The following ECRG4 variants were observed in gnomAD, a reference collection of about 807,000 sequenced individuals.
The protein encoded by ECRG4 is augurin.
ECRG4 carries 18 observed loss-of-function variants against 15.8 expected under a neutral mutation model. The observed-to-expected ratio is 1.14, with a 90% CI of 0.79 to 1.69. The LOEUF (loss-of-function observed/expected upper bound fraction) is 1.69, where lower values mean the gene tolerates loss of function less well. Ranked by LOEUF, ECRG4 falls within the 40% of genes most tolerant of loss-of-function variation. ECRG4 has a pLI of 0.00. For synonymous variants in ECRG4, 82 were observed against 73.9 expected, an observed-to-expected ratio of 1.11 and a Z score of -0.56; for missense variants, 200 against 190.9, an observed-to-expected ratio of 1.05 and a Z score of -0.28.
At chr2:106,067,390 G>A (rs986404177) in intron 1 of ECRG4, among the ~76,000 whole-genome samples, 2 of 152,176 alleles carry the variant, frequency 1.3e-5, no homozygotes. Flanking sequence ...TTCAGGACTT[G>A]TATTTTATTT....
In ECRG4 at chr2:106,074,047, G is replaced by A; in HGVS notation, c.285+4G>A. The stretch of plus-strand genomic sequence containing the variant: ...CTACATGGGCTTTGACGAAGCGGTA[G>A]GTGTTGCCTCCGGCTGCAGGCCTGG... On this transcript the variant is annotated splice_donor_region_variant and intron_variant, in intron 3 of 3. Transcript: ENST00000238044. The A allele has an allele frequency of 3.1e-6, 5 of 1,611,412 alleles. No individual in the cohort carries two copies. Among genetic ancestry groups the A allele is most frequent in the Non-Finnish European group, 4.2e-6 (5 of 1,178,944 alleles).
At chr2:106,077,721 T>A in intron 3 of ECRG4, 44 bp from the exon 4 acceptor site, 1 of 1,580,164 alleles carries the variant, frequency 6.3e-7, no homozygotes, top group Non-Finnish European at 8.7e-7. Flanking sequence ...GGGGACTGCA[T>A]GACCTTAAAT....
upstream of ECRG4, chr2:106,064,163 T>C (rs939386863): frequency 5.9e-5 from 9 of 152,244 alleles, no homozygotes; most frequent in African/African-American, 2.2e-4. Context: ...TTCCCCAAGA[T>C]AGCTAGATGT....
intron 2 of ECRG4, chr2:106,072,547 T>A (rs1676393166): frequency 6.6e-6 from 1 of 152,244 alleles, no homozygotes; most frequent in Non-Finnish European, 1.5e-5. Flanking sequence ...ACCACACTTC[T>A]GATGTGACCA....
Position 106,065,758 on chromosome 2 carries a change from C to G in ECRG4, c.-7C>G, listed in dbSNP as rs1275324039. ...GCCCCTCGCCCTCCTGCTCGCGCCC[C>G]GCCGCCATGGCTGCCTCCCCCGCGC... On this transcript the variant is annotated 5_prime_UTR_variant, in exon 1 of 4. Coordinates refer to ENST00000238044, the MANE Select transcript of ECRG4 (RefSeq NM_032411.3). 2 of 1,479,518 alleles carry G rather than the reference C, an allele frequency of 1.4e-6. No homozygotes were observed. Among genetic ancestry groups the G allele is most frequent in the South Asian group, 1.3e-5 (1 of 77,568 alleles). The allele number at this position is 1,479,518 out of a possible 1,614,324, so 91.6% of individuals were successfully genotyped here.
intron 1 of ECRG4, among the ~76,000 whole-genome samples, chr2:106,069,914 A>C (rs1676325727): frequency 6.6e-6 from 1 of 152,148 alleles, no homozygotes; most frequent in African/African-American, 2.4e-5. Context: ...CAACTACATC[A>C]CTATAGACCG....
Position 106,074,054 on chromosome 2 carries a change from C to T in ECRG4, c.285+11C>T. ...GGCTTTGACGAAGCGGTAGGTGTTG[C>T]CTCCGGCTGCAGGCCTGGCTTCCAC... is the stretch of plus-strand genomic sequence containing the variant. On this transcript the variant is annotated intron_variant, in intron 3 of 3. Transcript: ENST00000238044. 1.2e-6 allele frequency: 2 copies of T among 1,609,294 alleles called. No individual in the cohort carries two copies. The highest frequency in any genetic ancestry group is 1.7e-6 in the Non-Finnish European group (2 of 1,177,258).
chr2:106,066,912 T>G, intron 1 of ECRG4, among the ~76,000 whole-genome samples: 1 of 152,038 alleles, frequency 6.6e-6, no homozygotes, highest in East Asian at 1.9e-4. Context: ...AGGATTATTG[T>G]TCCACCTTAG....
chr2:106,073,929 A>C lies in ECRG4; in HGVS notation c.171A>C (p.Lys57Asn), dbSNP rs910869029. ...TKTKVAVDEN[K>N]AKEFLGSLKR... ...CTAAAGTGGCCGTTGATGAGAATAA[A>C]GCCAAAGAATTCCTTGGCAGCCTGA... Residue 57 changes from lysine (K) to asparagine (N), a missense_variant, in exon 3 of 4, where the codon AAA becomes AAC. Transcript: ENST00000238044. The C allele has an allele frequency of 6.2e-7, 1 of 1,614,256 alleles. No homozygotes were observed. The highest frequency in any genetic ancestry group is 8.5e-7 in the Non-Finnish European group (1 of 1,180,052).
intron 1 of ECRG4, chr2:106,070,901 T>TA (rs1327143251): frequency 4.2e-6 from 2 of 471,162 alleles, no homozygotes; most frequent in South Asian, 3.1e-5. Flanking sequence ...GAAGTTGCTC[T>TA]ACTCACTACT....
At chr2:106,063,589 T>C (rs184702665), upstream of ECRG4, among the ~76,000 whole-genome samples, 1 of 152,264 alleles carries the variant, frequency 6.6e-6, no homozygotes, top group Non-Finnish European at 1.5e-5. Context: ...GTGAAGATAA[T>C]TTATTTTTTT....
intron 3 of ECRG4, among the ~76,000 whole-genome samples, chr2:106,075,441 G>T (rs951951799): frequency 1.3e-5 from 2 of 152,218 alleles, no homozygotes; most frequent in African/African-American, 4.8e-5. Flanking sequence ...AACATGCAGG[G>T]ACGGGCATGG....
In ECRG4 at chr2:106,067,065, G is replaced by GA. The variant is rs906094015; in HGVS notation, c.79+1222_79+1223insA. 2.9e-3 allele frequency among the ~76,000 whole-genome samples: 267 copies of GA among 91,832 alleles called. 62 individuals are homozygous for GA. The East Asian group carries it at 0.086, about 30-fold the overall frequency. The allele number at this position is 91,832 out of a possible 152,430, so 60.2% of individuals were successfully genotyped here. A position where few individuals can be genotyped will look rare whatever the true frequency, so the allele number is the denominator to read the frequency against. ...TCCCAGCACTTTGGGAGGCCGGGGG[G>GA]GGGGGGGGGGCAGATCACCTGAGGT... On this transcript the variant is annotated intron_variant, in intron 1 of 3. Coordinates refer to ENST00000238044, the MANE Select transcript of ECRG4 (RefSeq NM_032411.3).
At chr2:106,066,485 G>C (rs1472111523) in intron 1 of ECRG4, among the ~76,000 whole-genome samples, 1 of 152,166 alleles carries the variant, frequency 6.6e-6, no homozygotes, top group Non-Finnish European at 1.5e-5. Flanking sequence ...CTGATCGCTG[G>C]GCTCCACAGG....
chr2:106,074,073 C>A, intron 3 of ECRG4, 30 bp downstream of exon 3: 1 of 1,607,200 alleles, frequency 6.2e-7, no homozygotes, highest in Non-Finnish European at 8.5e-7. Context: ...GCAGGCCTGG[C>A]TTCCACAGGG....
At chr2:106,072,554 A>G (rs1490937718) in intron 2 of ECRG4, among the ~76,000 whole-genome samples, 3 of 152,222 alleles carry the variant, frequency 2.0e-5, no homozygotes, top group Non-Finnish European at 4.4e-5. Flanking sequence ...TTCTGATGTG[A>G]CCATTTAGTC....
At chr2:106,071,327 A>C (rs1676364569) in intron 1 of ECRG4, among the ~76,000 whole-genome samples, 1 of 15,534 alleles carries the variant, frequency 6.4e-5, no homozygotes, top group African/African-American at 1.2e-4. Context: ...GGCTGTAAAA[A>C]AAAAAAAAAA....
intron 1 of ECRG4, among the ~76,000 whole-genome samples, chr2:106,066,373 G>A (rs1676215707): frequency 1.3e-5 from 2 of 152,190 alleles, no homozygotes; most frequent in African/African-American, 4.8e-5. Flanking sequence ...TTCCTGCTTC[G>A]TGGAGCTCCC....
chr2:106,063,721 T>C (rs111665362), upstream of ECRG4, among the ~76,000 whole-genome samples: 2,747 of 152,298 alleles, frequency 0.018, 71 homozygotes, highest in African/African-American at 0.06. Context: ...TAGCTGGAAC[T>C]ACAGGCACGC....
Sources: allele counts gnomAD v4.1 joint callset (sites outside exome capture counted in the v4.1 genomes callset), GRCh38; gene constraint gnomAD v4.1.1; transcripts MANE v1.5; gene names NCBI Gene and HGNC (gene_info 2026-07-23, HGNC 2026-07-21).